The following MFN1 variants were observed in gnomAD, a reference collection of about 807,000 sequenced individuals.
MFN1 encodes mitofusin-1.
In MFN1, 65 loss-of-function variants were observed where a neutral mutation model predicts 92.4. The observed-to-expected ratio is 0.70, with a 90% CI of 0.58 to 0.86. MFN1 has a LOEUF of 0.86. Ranked by LOEUF, MFN1 falls within the 40% of genes least tolerant of loss-of-function variation. The pLI is 0.00. For missense variants in MFN1, 781 were observed against 868.0 expected (o/e 0.90, Z 1.26); for synonymous variants, 297 against 300.9 (o/e 0.99, Z 0.13).
chr3:179,394,819 T>TAG lies in MFN1; in HGVS notation c.*2761_*2762insGA, dbSNP rs1714040756. ...TGATGTACTTCAAAGTTATTGCACATACACTTGTTTACTTTGTATGTTTGC... is the reference window on the plus strand; with the variant it reads ...TGATGTACTTCAAAGTTATTGCACATAGACACTTGTTTACTTTGTATGTTTGC... On this transcript the variant is annotated 3_prime_UTR_variant, in exon 18 of 18. Coordinates refer to ENST00000471841, the MANE Select transcript of MFN1 (RefSeq NM_033540.3). 1 of 152,248 alleles carries TAG rather than the reference T, an allele frequency of 6.6e-6. No individual in the cohort carries two copies. The highest frequency in any genetic ancestry group is 2.4e-5 in the African/African-American group (1 of 41,458). 9.4% of individuals were successfully genotyped at this position (152,248 alleles called of 1,614,324 possible). A position where few individuals can be genotyped will look rare whatever the true frequency, so the allele number is the denominator to read the frequency against.
intron 17 of MFN1, 56 bp from the exon 18 acceptor site, chr3:179,391,925 C>T: frequency 9.4e-7 from 1 of 1,065,806 alleles, no homozygotes; most frequent in East Asian, 2.4e-5. Context: ...GGATGGAATG[C>T]ATTTTTCTCC....
At chr3:179,376,970 A>G (rs1713263407) in intron 10 of MFN1, 72 bp from the exon 11 acceptor site, 1 of 1,500,998 alleles carries the variant, frequency 6.7e-7, no homozygotes, top group Non-Finnish European at 9.0e-7. Context: ...CAATACATGA[A>G]TGAGTCCCTT....
Position 179,390,112 on chromosome 3 carries a change from A to C in MFN1, c.2121A>C (p.Lys707Asn), listed in dbSNP as rs749462129. 6.3e-7 allele frequency: 1 copy of C among 1,596,146 alleles called. No homozygotes were observed. The highest frequency in any genetic ancestry group is 8.5e-7 in the Non-Finnish European group (1 of 1,174,454). ...CCAAAGAAATAGATCAGTTGGAGAA[A>C]ATACAAAACAATTCAAAGCTCTTAA... Reference protein sequence around the residue: ...RLPKEIDQLEKIQNNSKLLRN... With the variant: ...RLPKEIDQLENIQNNSKLLRN... The change falls in exon 17 of 18, where the codon AAA becomes AAC. Residue 707 changes from lysine to asparagine, a missense_variant. By Grantham distance (94) the Lys-to-Asn change is moderately conservative (BLOSUM62 0). Coordinates refer to ENST00000471841, the MANE Select transcript of MFN1 (RefSeq NM_033540.3).
chr3:179,371,491 A>G (rs1713021623), intron 9 of MFN1, among the ~76,000 whole-genome samples: 1 of 152,216 alleles, frequency 6.6e-6, no homozygotes, highest in Non-Finnish European at 1.5e-5. Flanking sequence ...CCTGTGTGAC[A>G]GAGTGAGACT....
chr3:179,381,341 T>A (rs1713459181), intron 14 of MFN1, among the ~76,000 whole-genome samples: 1 of 152,210 alleles, frequency 6.6e-6, no homozygotes, highest in Admixed American at 6.5e-5. Flanking sequence ...CACTTCTTGG[T>A]CCCTCAACTG....
intron 10 of MFN1, 25 bp downstream of exon 10, chr3:179,375,366 T>C: frequency 6.2e-7 from 1 of 1,606,832 alleles, no homozygotes; most frequent in Non-Finnish European, 8.5e-7. Flanking sequence ...TGTTGCAACA[T>C]AAAAATGTTA....
intron 9 of MFN1, among the ~76,000 whole-genome samples, chr3:179,374,565 TGAA>T (rs1713164017): frequency 6.6e-6 from 1 of 151,962 alleles, no homozygotes; most frequent in South Asian, 2.1e-4. Flanking sequence ...GTTGTTAGCT[TGAA>T]GATAAATGAG....
At position 179,367,488 on chromosome 3, in the gene MFN1, T is replaced by G. The variant is rs1163738934; in HGVS notation, c.803T>G (p.Leu268Arg). 9 of 1,613,656 alleles carry G rather than the reference T, an allele frequency of 5.6e-6. No homozygotes were observed. The highest frequency in any genetic ancestry group is 7.6e-6 in the Non-Finnish European group (9 of 1,179,834). Residue 268 changes from leucine (L) to arginine (R), a missense_variant, in exon 8 of 18, where the codon CTC becomes CGC. By Grantham distance (102) the Leu-to-Arg change is moderately radical. Coordinates refer to ENST00000471841, the MANE Select transcript of MFN1 (RefSeq NM_033540.3). ...TGCCTGCATTTCTTGGTGGAGGAGC[T>G]CAAAGTTGTAAATGCTTTAGAAGCA... ...ERCLHFLVEE[L>R]KVVNALEAQN... is the part of the protein sequence containing the mutation.
rs188441497 is a variant in MFN1, at chr3:179,362,491, A to G, written c.536+9A>G. ...CTGGTGTTAGTAGACAGGTAAAATT[A>G]CATGTGGATTGCATTTTCTCTGGAA... On this transcript the variant is annotated intron_variant, in intron 5 of 17. Coordinates refer to ENST00000471841, the MANE Select transcript of MFN1 (RefSeq NM_033540.3). The G allele has an allele frequency of 2.0e-4, 324 of 1,610,560 alleles. No homozygotes were observed. The African/African-American group carries it at 3.9e-3, about 19-fold the overall frequency.
intron 4 of MFN1, among the ~76,000 whole-genome samples, chr3:179,359,397 G>A (rs1372189449): frequency 6.7e-6 from 1 of 150,310 alleles, no homozygotes; most frequent in Non-Finnish European, 1.5e-5. Flanking sequence ...TGGGATTATA[G>A]GCGTGAGCCA....
Position 179,390,050 on chromosome 3 carries a change from A to T in MFN1, c.2059A>T (p.Thr687Ser). Reference protein sequence around the residue: ...FARLCQQVDITQKQLEEEIAR... With the variant: ...FARLCQQVDISQKQLEEEIAR... Reference sequence around the variant, plus strand: ...TCGCCTGTGCCAACAAGTTGATATTACTCAAAAACAGCTGGAAGAAGAAAT... The same window carrying T: ...TCGCCTGTGCCAACAAGTTGATATTTCTCAAAAACAGCTGGAAGAAGAAAT... Residue 687 changes from threonine (T) to serine (S), a missense_variant, in exon 17 of 18, where the codon ACT becomes TCT. Transcript: ENST00000471841. 1.2e-6 allele frequency: 2 copies of T among 1,605,324 alleles called. No individual in the cohort carries two copies. Among genetic ancestry groups the T allele is most frequent in the Non-Finnish European group, 1.7e-6 (2 of 1,177,714 alleles).
At chr3:179,355,746 G>A (rs1192312981) in intron 3 of MFN1, among the ~76,000 whole-genome samples, 1 of 152,110 alleles carries the variant, frequency 6.6e-6, no homozygotes, top group African/African-American at 2.4e-5. Flanking sequence ...GAGGTCAGGA[G>A]TTTGAGACCA....
At chr3:179,369,917 T>TA (rs1180949545) in intron 9 of MFN1, among the ~76,000 whole-genome samples, 14 of 152,328 alleles carry the variant, frequency 9.2e-5, no homozygotes, top group African/African-American at 2.9e-4. Flanking sequence ...TGTTTTTACT[T>TA]AAAGTCATGG....
At chr3:179,382,581 A>G (rs2108553908) in intron 14 of MFN1, among the ~76,000 whole-genome samples, 2 of 152,344 alleles carry the variant, frequency 1.3e-5, no homozygotes, top group Admixed American at 1.3e-4. Flanking sequence ...CTTTGGGTAT[A>G]TACCCAGTAA....
At chr3:179,383,192 A>C (rs1386042511) in intron 14 of MFN1, among the ~76,000 whole-genome samples, 2 of 152,124 alleles carry the variant, frequency 1.3e-5, no homozygotes, top group African/African-American at 2.4e-5. Flanking sequence ...TAGGGTTTTT[A>C]TGGTTTTAGG....
rs1030050604 is a variant in MFN1 at position 179,394,387 on chromosome 3, C to G, written c.*2328C>G. On this transcript the variant is annotated 3_prime_UTR_variant, in exon 18 of 18. Transcript: ENST00000471841. ...AACATAATGAATGTTGGAAATGGAA[C>G]AGTAAAATAACGAAAGCCAACTTTT... is the stretch of plus-strand genomic sequence containing the variant. 2.1e-5 allele frequency: 3 copies of G among 144,120 alleles called. No homozygotes were observed. The highest frequency in any genetic ancestry group is 4.5e-5 in the Non-Finnish European group (3 of 66,570). 8.9% of individuals were successfully genotyped at this position (144,120 alleles called of 1,614,324 possible). A position where few individuals can be genotyped will look rare whatever the true frequency, so the allele number is the denominator to read the frequency against.
chr3:179,370,415 T>TG lies in MFN1; in HGVS notation c.975+2313dup, dbSNP rs1184542548. Among the ~76,000 whole-genome samples, 5 of 136,092 alleles carry TG rather than the reference T, an allele frequency of 3.7e-5. No homozygotes were observed. The East Asian group carries it at 1.2e-3, about 33-fold the overall frequency. 89.3% of individuals were successfully genotyped at this position (136,092 alleles called of 152,430 possible). On this transcript the variant is annotated intron_variant, in intron 9 of 17. Transcript: ENST00000471841. The stretch of plus-strand genomic sequence containing the variant: ...TTCTTTTTTTTTTTTTTTTTTTTTT[T>TG]GAGACAGAGTCTCGCTCTGTCGCCG...
chr3:179,381,192 C>T (rs1283856044), intron 14 of MFN1, among the ~76,000 whole-genome samples: 1 of 152,180 alleles, frequency 6.6e-6, no homozygotes, highest in Non-Finnish European at 1.5e-5. Flanking sequence ...AGCATGTATT[C>T]ATAACAGAAC....
Position 179,378,745 on chromosome 3 carries a change from T to G in MFN1, c.1593T>G (p.Leu531=). 1 of 1,614,102 alleles carries G rather than the reference T, an allele frequency of 6.2e-7. No homozygotes were observed. Among genetic ancestry groups the G allele is most frequent in the Non-Finnish European group, 8.5e-7 (1 of 1,179,968 alleles). ...GTTTTTCCCTGGGCTGGTCTTCCCT[T>G]GTACATCGATTTTTGGGCCCTAGAA... ...VFRFSLGWSS[L]VHRFLGPRNA... is the part of the protein sequence containing the mutation. The change falls in exon 14 of 18, where the codon CTT becomes CTG. Residue 531 remains leucine (L), a synonymous_variant. Coordinates refer to ENST00000471841, the MANE Select transcript of MFN1 (RefSeq NM_033540.3).
Sources: gnomAD v4.1 joint callset for allele counts (sites outside exome capture counted in the v4.1 genomes callset) on GRCh38, gnomAD v4.1.1 for gene constraint, MANE v1.5 for transcripts, NCBI Gene and HGNC (gene_info 2026-07-23, HGNC 2026-07-21) for gene names.